Variants in PLXNA4 observed in about 807,000 individuals in gnomAD.
PLXNA4 encodes the protein plexin A4, also known as plexin-A4.
In PLXNA4, 44 loss-of-function variants were observed where a neutral mutation model predicts 191.8. That is an observed-to-expected ratio of 0.23 (90% CI 0.18 to 0.29). The LOEUF (loss-of-function observed/expected upper bound fraction) is 0.29, where lower values mean the gene tolerates loss of function less well. PLXNA4 is among the 10% of genes least tolerant of loss of function. PLXNA4 has a pLI of 1.00. For missense variants in PLXNA4, 1,800 were observed against 2,488.8 expected (o/e 0.72, Z 5.89); for synonymous variants, 1,082 against 1,009.5 (o/e 1.07, Z -1.36).
intron 2 of PLXNA4, among the ~76,000 whole-genome samples, chr7:132,621,142 A>G (rs1221474145): frequency 6.6e-6 from 1 of 152,066 alleles, no homozygotes; most frequent in Non-Finnish European, 1.5e-5. Context: ...TTCAGTCCAT[A>G]GCACCATTCC....
chr7:132,621,267 T>C (rs13242588), intron 2 of PLXNA4, among the ~76,000 whole-genome samples: 3 of 138,046 alleles, frequency 2.2e-5, no homozygotes, highest in Admixed American at 2.1e-4. Context: ...TTGGTTTTTT[T>C]GTTTTTTTTT....
intron 3 of PLXNA4, chr7:132,383,821 T>C: frequency 1.0e-6 from 1 of 985,442 alleles, no homozygotes; most frequent in Non-Finnish European, 1.2e-6. Flanking sequence ...TCTTCCTAAA[T>C]ATTTACACAT....
At chr7:132,180,785 C>T (rs1584805907) in intron 18 of PLXNA4, 53 bp from the exon 19 acceptor site, 1 of 1,581,704 alleles carries the variant, frequency 6.3e-7, no homozygotes, top group Non-Finnish European at 8.7e-7. Flanking sequence ...ACCACAGCTA[C>T]CAGCTGGCTC....
intron 3 of PLXNA4, among the ~76,000 whole-genome samples, chr7:132,334,131 G>A (rs1802711832): frequency 6.6e-6 from 1 of 152,030 alleles, no homozygotes; most frequent in South Asian, 2.1e-4. Context: ...AAACACGGAA[G>A]CTGTAGGGAG....
intron 3 of PLXNA4, among the ~76,000 whole-genome samples, chr7:132,358,319 T>C (rs1429903850): frequency 6.6e-6 from 1 of 152,250 alleles, no homozygotes; most frequent in African/African-American, 2.4e-5. Flanking sequence ...AGTTCACTTG[T>C]CTACAAGGGA....
intron 1 of PLXNA4, among the ~76,000 whole-genome samples, chr7:132,553,287 A>G (rs561217549): frequency 1.3e-5 from 2 of 152,310 alleles, no homozygotes; most frequent in South Asian, 4.1e-4. Context: ...ACATGGCAGG[A>G]GGCAGCTCTC....
rs531072710 is a variant in PLXNA4 at position 132,146,360 on chromosome 7, G to A, written c.5055+150C>T. Reference sequence around the variant, plus strand: ...TGAGAAGGATTCTGAGGTTCGGTACGGGGAATGGTCAGCAGTGCCTCCTGG... The same window carrying A: ...TGAGAAGGATTCTGAGGTTCGGTACAGGGAATGGTCAGCAGTGCCTCCTGG... On this transcript the variant is annotated intron_variant, in intron 28 of 31. Coordinates refer to ENST00000321063, the MANE Select transcript of PLXNA4 (RefSeq NM_020911.2). The A allele has an allele frequency of 2.9e-3, 3,692 of 1,278,860 alleles. 12 individuals carry two copies. The highest frequency in any genetic ancestry group is 3.2e-3 in the Non-Finnish European group (2,904 of 899,492). 79.2% of individuals were successfully genotyped at this position (1,278,860 alleles called of 1,614,324 possible). A position where few individuals can be genotyped will look rare whatever the true frequency, so the allele number is the denominator to read the frequency against.
At chr7:132,178,124 C>A (rs1008299780) in intron 20 of PLXNA4, among the ~76,000 whole-genome samples, 1 of 152,158 alleles carries the variant, frequency 6.6e-6, no homozygotes, top group African/African-American at 2.4e-5. Context: ...TTAATACAAG[C>A]TTTGAAACAC....
intron 2 of PLXNA4, among the ~76,000 whole-genome samples, chr7:132,583,077 G>T (rs1232631459): frequency 6.6e-6 from 1 of 152,174 alleles, no homozygotes; most frequent in African/African-American, 2.4e-5. Context: ...CTTAAGATGG[G>T]CCATCGTCAG....
At chr7:132,628,927 G>A (rs539404093) in intron 2 of PLXNA4, among the ~76,000 whole-genome samples, 12 of 152,280 alleles carry the variant, frequency 7.9e-5, no homozygotes, top group Admixed American at 4.6e-4. Context: ...TTCAAATTCT[G>A]TCTCATGTTA....
At chr7:132,144,007 CCA>C (rs1189885460) in intron 29 of PLXNA4, among the ~76,000 whole-genome samples, 4 of 152,250 alleles carry the variant, frequency 2.6e-5, no homozygotes, top group Non-Finnish European at 4.4e-5. Flanking sequence ...AGTTTTGGTA[CCA>C]AAGCCTGACT....
chr7:132,147,830 C>A (rs1285107865), intron 27 of PLXNA4, 70 bp downstream of exon 27: 4 of 1,602,614 alleles, frequency 2.5e-6, no homozygotes, highest in Non-Finnish European at 3.4e-6. Context: ...TGCCTTCTGG[C>A]TATGCTGCTG....
At chr7:132,605,159 A>G (rs1387742749) in intron 2 of PLXNA4, among the ~76,000 whole-genome samples, 11 of 152,220 alleles carry the variant, frequency 7.2e-5, no homozygotes, top group African/African-American at 2.2e-4. Context: ...ATTGATGAAG[A>G]GAATGGAGCA....
chr7:132,448,571 T>C (rs539150371), intron 3 of PLXNA4, among the ~76,000 whole-genome samples: 82 of 152,354 alleles, frequency 5.4e-4, no homozygotes, highest in African/African-American at 1.9e-3. Context: ...CCACATTCTT[T>C]AGTATCCTCG....
intron 3 of PLXNA4, among the ~76,000 whole-genome samples, chr7:132,327,887 G>C (rs1463441573): frequency 6.6e-6 from 1 of 152,104 alleles, no homozygotes; most frequent in East Asian, 1.9e-4. Context: ...CCCATCACTG[G>C]ATGAGGAGAA....
chr7:132,534,261 C>G (rs1236831654), intron 1 of PLXNA4, among the ~76,000 whole-genome samples: 3 of 152,118 alleles, frequency 2.0e-5, no homozygotes, highest in Non-Finnish European at 4.4e-5. Context: ...TCAGCAATTC[C>G]AGATCTTCCC....
chr7:132,414,125 T>C (rs1391805563), intron 3 of PLXNA4, among the ~76,000 whole-genome samples: 2 of 152,164 alleles, frequency 1.3e-5, no homozygotes, highest in African/African-American at 4.8e-5. Context: ...GGATTTTAAA[T>C]GGAAAAGCCC....
intron 2 of PLXNA4, among the ~76,000 whole-genome samples, chr7:132,643,230 C>A (rs1220689393): frequency 6.6e-6 from 1 of 152,094 alleles, no homozygotes; most frequent in East Asian, 1.9e-4. Flanking sequence ...CCTGCAGGAT[C>A]CTGTCTGTCT....
At position 132,548,476 on chromosome 7, in the gene PLXNA4, G is replaced by T. The variant is rs767862301; in HGVS notation, c.-87+27946C>A. 2.6e-5 allele frequency among the ~76,000 whole-genome samples: 4 copies of T among 152,166 alleles called. No individual in the cohort carries two copies. The East Asian group carries it at 7.7e-4, about 29-fold the overall frequency. On this transcript the variant is annotated intron_variant, in intron 1 of 31. Coordinates refer to ENST00000321063, the MANE Select transcript of PLXNA4 (RefSeq NM_020911.2). ...AGGTAGACAACACTGATAACAGTGAGAGACGCTGCCAGGCAGTCTGAGTTC... is the reference window on the plus strand; with the variant it reads ...AGGTAGACAACACTGATAACAGTGATAGACGCTGCCAGGCAGTCTGAGTTC...
Sources: gnomAD v4.1 joint callset for allele counts (sites outside exome capture counted in the v4.1 genomes callset) on GRCh38, gnomAD v4.1.1 for gene constraint, MANE v1.5 for transcripts, NCBI Gene and HGNC (gene_info 2026-07-23, HGNC 2026-07-21) for gene names.